Variants in RANBP2 observed in about 807,000 individuals in gnomAD.
The protein encoded by RANBP2 is RAN binding protein 2, also known as E3 SUMO-protein ligase RanBP2.
A neutral mutation model predicts 303.6 loss-of-function variants in RANBP2; 57 were observed. The ratio of observed to expected loss-of-function variants is 0.19; its 90% CI spans 0.15 to 0.23. The LOEUF is 0.23. RANBP2 is among the 10% of genes least tolerant of loss of function. The pLI, the probability that RANBP2 is intolerant of heterozygous loss-of-function variation, is 1.00. For synonymous variants in RANBP2, 1,167 were observed against 1,301.5 expected (o/e 0.90, Z 2.23); for missense variants, 3,138 against 3,780.8 (o/e 0.83, Z 4.46).
At chr2:108,911,158 G>A in the RANBP2 span, 2 of 1,539,730 alleles carry the variant, frequency 1.3e-6, no homozygotes, top group Non-Finnish European at 1.8e-6. Context: ...TGGAAGCAAT[G>A]GCCCTGCCCC....
the RANBP2 span, among the ~76,000 whole-genome samples, chr2:109,418,980 C>G: frequency 1.2e-4 from 18 of 152,130 alleles, no homozygotes; most frequent in Admixed American, 1.2e-3. Flanking sequence ...CTGATGCTGA[C>G]CGTTCCTCGG....
chr2:109,696,007 A>G, the RANBP2 span, among the ~76,000 whole-genome samples: 1 of 151,582 alleles, frequency 6.6e-6, no homozygotes, highest in Non-Finnish European at 1.5e-5. Context: ...TCTATTGCCC[A>G]GGCCACAGTG....
the RANBP2 span, among the ~76,000 whole-genome samples, chr2:109,089,062 G>A: frequency 6.6e-6 from 1 of 152,104 alleles, no homozygotes; most frequent in Admixed American, 6.6e-5. Context: ...GGGCACAGTG[G>A]GGAAAAGTAA....
the RANBP2 span, among the ~76,000 whole-genome samples, chr2:109,719,257 C>T: frequency 1.3e-5 from 2 of 150,372 alleles, no homozygotes; most frequent in Non-Finnish European, 3.0e-5. Flanking sequence ...CCACCACACC[C>T]GGCTAATTTT....
At chr2:108,780,988 C>T (rs1013636160) in intron 25 of RANBP2, among the ~76,000 whole-genome samples, 2 of 152,036 alleles carry the variant, frequency 1.3e-5, no homozygotes, top group African/African-American at 4.8e-5. Context: ...GGATTACAGG[C>T]GTGAGCCACT....
the RANBP2 span, among the ~76,000 whole-genome samples, chr2:109,727,350 T>C: frequency 6.6e-6 from 1 of 152,276 alleles, no homozygotes; most frequent in South Asian, 2.1e-4. Context: ...TTCCATGAGA[T>C]AGGTTTTATC....
At chr2:109,698,858 G>A in the RANBP2 span, among the ~76,000 whole-genome samples, 3 of 152,118 alleles carry the variant, frequency 2.0e-5, no homozygotes, top group Admixed American at 6.5e-5. Context: ...TCTTGAACCC[G>A]GGAGGCAGAG....
the RANBP2 span, among the ~76,000 whole-genome samples, chr2:109,425,347 C>A: frequency 2.0e-4 from 30 of 152,248 alleles, no homozygotes; most frequent in African/African-American, 6.7e-4. Flanking sequence ...TAGCTAAAAT[C>A]ACTGATGAAG....
At chr2:108,809,037 G>T in the RANBP2 span, among the ~76,000 whole-genome samples, 1 of 152,108 alleles carries the variant, frequency 6.6e-6, no homozygotes, top group Admixed American at 6.5e-5. Context: ...TTAGGCATAT[G>T]GATATCCATT....
chr2:109,214,366 G>T, the RANBP2 span, among the ~76,000 whole-genome samples: 1 of 152,008 alleles, frequency 6.6e-6, no homozygotes, highest in South Asian at 2.1e-4. Context: ...GCAGCAGGAG[G>T]CCGGGGCCAC....
At chr2:109,014,487 A>G in the RANBP2 span, among the ~76,000 whole-genome samples, 1 of 152,210 alleles carries the variant, frequency 6.6e-6, no homozygotes, top group South Asian at 2.1e-4. Flanking sequence ...GTTCAAAAAC[A>G]CAACTGTGTT....
chr2:108,880,937 A>G, the RANBP2 span, among the ~76,000 whole-genome samples: 1 of 152,238 alleles, frequency 6.6e-6, no homozygotes, highest in Non-Finnish European at 1.5e-5. Context: ...TATACTTTAT[A>G]ATTCATGAGA....
the RANBP2 span, chr2:108,885,040 T>C: frequency 6.6e-6 from 1 of 152,248 alleles, no homozygotes; most frequent in African/African-American, 2.4e-5. Flanking sequence ...AGAGAATTAA[T>C]ACTGAGAGAT....
At chr2:109,009,711 GTT>G in the RANBP2 span, among the ~76,000 whole-genome samples, 1 of 104,078 alleles carries the variant, frequency 9.6e-6, no homozygotes. Flanking sequence ...CCTTTTTTTT[GTT>G]TTTTTTTTTT....
chr2:109,012,623 A>C, the RANBP2 span, among the ~76,000 whole-genome samples: 2 of 152,066 alleles, frequency 1.3e-5, no homozygotes, highest in African/African-American at 4.8e-5. Flanking sequence ...AAAATTTTTA[A>C]ACTTCATTCG....
the RANBP2 span, among the ~76,000 whole-genome samples, chr2:109,049,967 C>T: frequency 2.0e-5 from 3 of 152,162 alleles, no homozygotes; most frequent in African/African-American, 4.8e-5. Context: ...GCTGTGTCCA[C>T]ACCACCGTGA....
chr2:109,101,376 A>C, the RANBP2 span, among the ~76,000 whole-genome samples: 204 of 152,056 alleles, frequency 1.3e-3, 5 homozygotes, highest in Admixed American at 0.012. Context: ...AAATACAAAA[A>C]ATCAGACAGA....
At chr2:109,141,323 CT>C in the RANBP2 span, among the ~76,000 whole-genome samples, 119 of 152,330 alleles carry the variant, frequency 7.8e-4, no homozygotes, top group African/African-American at 2.4e-3. Context: ...GGCTGGCTTT[CT>C]GGAGGCAGCC....
the RANBP2 span, among the ~76,000 whole-genome samples, chr2:109,164,981 T>C: frequency 2.0e-5 from 3 of 152,234 alleles, no homozygotes; most frequent in African/African-American, 7.2e-5. Flanking sequence ...TTAAAGCCTC[T>C]TCTTAGTCAT....
Sources: allele counts gnomAD v4.1 joint callset (sites outside exome capture counted in the v4.1 genomes callset), GRCh38; gene constraint gnomAD v4.1.1; transcripts MANE v1.5; gene names NCBI Gene and HGNC (gene_info 2026-07-23, HGNC 2026-07-21).